The following PPARGC1A variants were observed in gnomAD, a reference collection of about 807,000 sequenced individuals.
PPARGC1A encodes peroxisome proliferator-activated receptor gamma coactivator 1-alpha.
In PPARGC1A, 25 loss-of-function variants were observed where a neutral mutation model predicts 88.7. The ratio of observed to expected loss-of-function variants is 0.28; its 90% CI spans 0.21 to 0.39. The LOEUF (loss-of-function observed/expected upper bound fraction) is 0.39. Among genes scored for constraint, PPARGC1A ranks in the 10% least tolerant of loss-of-function variants. The pLI, the probability that PPARGC1A is intolerant of heterozygous loss-of-function variation, is 1.00. For missense variants in PPARGC1A, 880 were observed against 968.7 expected, an observed-to-expected ratio of 0.91 and a Z score of 1.22; for synonymous variants, 363 against 355.6, an observed-to-expected ratio of 1.02 and a Z score of -0.24.
At chr4:23,885,276 A>G (rs1013172400) in intron 1 of PPARGC1A, among the ~76,000 whole-genome samples, 2 of 152,196 alleles carry the variant, frequency 1.3e-5, no homozygotes, top group African/African-American at 4.8e-5. Context: ...TACTGCTTCC[A>G]AAGTTTTAAA....
At chr4:24,191,039 A>T in the PPARGC1A span, among the ~76,000 whole-genome samples, 12 of 152,222 alleles carry the variant, frequency 7.9e-5, no homozygotes, top group Admixed American at 3.9e-4. Context: ...CTGGATGAAG[A>T]AAGCAGCAGC....
At chr4:24,414,024 G>T in the PPARGC1A span, among the ~76,000 whole-genome samples, 3 of 152,092 alleles carry the variant, frequency 2.0e-5, no homozygotes, top group African/African-American at 7.2e-5. Flanking sequence ...CACGGTTGTC[G>T]GTCTCCAAAG....
chr4:23,862,111 C>T (rs1245632231), intron 2 of PPARGC1A, among the ~76,000 whole-genome samples: 1 of 152,182 alleles, frequency 6.6e-6, no homozygotes, highest in Non-Finnish European at 1.5e-5. Flanking sequence ...AAGTACAAGC[C>T]TCTGCAAATG....
intron 1 of PPARGC1A, 80 bp from the exon 2 acceptor site, chr4:23,885,011 G>T: frequency 7.8e-7 from 1 of 1,275,070 alleles, no homozygotes; most frequent in Non-Finnish European, 1.0e-6. Context: ...GCATGTGATA[G>T]GAATTAAGCC....
chr4:24,101,508 G>C, the PPARGC1A span, among the ~76,000 whole-genome samples: 1 of 152,132 alleles, frequency 6.6e-6, no homozygotes, highest in African/African-American at 2.4e-5. Context: ...ATAAATATTT[G>C]AAGTAACAGT....
chr4:24,468,285 C>A, the PPARGC1A span, among the ~76,000 whole-genome samples: 1 of 152,224 alleles, frequency 6.6e-6, no homozygotes, highest in Non-Finnish European at 1.5e-5. Flanking sequence ...GCTTGCACTA[C>A]TGCCATCCCT....
the PPARGC1A span, among the ~76,000 whole-genome samples, chr4:24,341,978 T>C: frequency 6.6e-6 from 1 of 152,158 alleles, no homozygotes; most frequent in African/African-American, 2.4e-5. Context: ...TCATGGAGGG[T>C]CTTGCCACCA....
the PPARGC1A span, among the ~76,000 whole-genome samples, chr4:24,147,511 C>A: frequency 6.6e-6 from 1 of 152,148 alleles, no homozygotes; most frequent in African/African-American, 2.4e-5. Context: ...TCTGAAGAAC[C>A]TGAATTACTC....
chr4:24,072,087 T>C, the PPARGC1A span, among the ~76,000 whole-genome samples: 7 of 149,708 alleles, frequency 4.7e-5, no homozygotes, highest in Non-Finnish European at 8.9e-5. Flanking sequence ...TGTTTCCTAG[T>C]ATTAGTCCTC....
At chr4:24,274,398 G>A in the PPARGC1A span, among the ~76,000 whole-genome samples, 2 of 152,178 alleles carry the variant, frequency 1.3e-5, no homozygotes, top group East Asian at 3.9e-4. Context: ...TTCTGTAAAG[G>A]GCCAGACAGT....
chr4:24,439,807 G>C, the PPARGC1A span, among the ~76,000 whole-genome samples: 1 of 152,158 alleles, frequency 6.6e-6, no homozygotes, highest in South Asian at 2.1e-4. Flanking sequence ...ATACAAATAG[G>C]CTCTGGGGTT....
the PPARGC1A span, among the ~76,000 whole-genome samples, chr4:24,352,159 C>A: frequency 6.6e-6 from 1 of 151,972 alleles, no homozygotes; most frequent in African/African-American, 2.4e-5. Context: ...CCAGGAGAAG[C>A]CTGGGATCGG....
At chr4:24,151,881 A>C in the PPARGC1A span, among the ~76,000 whole-genome samples, 1 of 152,214 alleles carries the variant, frequency 6.6e-6, no homozygotes, top group African/African-American at 2.4e-5. Context: ...GAAACAAATA[A>C]ATAATTGAAT....
At chr4:23,975,893 G>C in the PPARGC1A span, among the ~76,000 whole-genome samples, 141 of 152,312 alleles carry the variant, frequency 9.3e-4, no homozygotes, top group African/African-American at 3.3e-3. Flanking sequence ...AATGATCTCA[G>C]TTTCAGCATC....
At chr4:24,196,427 T>A in the PPARGC1A span, among the ~76,000 whole-genome samples, 1 of 152,232 alleles carries the variant, frequency 6.6e-6, no homozygotes, top group Non-Finnish European at 1.5e-5. Context: ...GCTAAAGAGA[T>A]CTAGCATTTT....
the PPARGC1A span, among the ~76,000 whole-genome samples, chr4:24,017,471 A>G: frequency 3.1e-3 from 472 of 152,224 alleles, 2 homozygotes; most frequent in Non-Finnish European, 5.1e-3. Flanking sequence ...TTTGTACATA[A>G]TAGTGTACAC....
the PPARGC1A span, among the ~76,000 whole-genome samples, chr4:24,078,662 A>G: frequency 2.6e-5 from 4 of 152,114 alleles, no homozygotes; most frequent in South Asian, 6.2e-4. Flanking sequence ...AATTTGGCAG[A>G]GCAAAACAGC....
chr4:23,952,160 G>A, the PPARGC1A span, among the ~76,000 whole-genome samples: 10 of 152,178 alleles, frequency 6.6e-5, 1 homozygote, highest in East Asian at 1.2e-3. Flanking sequence ...TCTTGGGTTC[G>A]TAGCCTCATA....
chr4:24,352,592 G>A, the PPARGC1A span, among the ~76,000 whole-genome samples: 9 of 152,158 alleles, frequency 5.9e-5, no homozygotes, highest in Non-Finnish European at 1.0e-4. Context: ...AAGGTCTGAG[G>A]ACTCGGTTCA....
Sources: allele counts gnomAD v4.1 joint callset (sites outside exome capture counted in the v4.1 genomes callset), GRCh38; gene constraint gnomAD v4.1.1; transcripts MANE v1.5; gene names NCBI Gene and HGNC (gene_info 2026-07-23, HGNC 2026-07-21).